Variants in TNS3 observed in about 807,000 individuals in gnomAD.
The protein encoded by TNS3 is tensin-3.
Under a neutral mutation model 140.9 loss-of-function variants are expected in TNS3, and 45 were observed. The ratio of observed to expected loss-of-function variants is 0.32; its 90% CI spans 0.25 to 0.41. The LOEUF is 0.41. Among genes scored for constraint, TNS3 ranks in the 10% least tolerant of loss-of-function variants. TNS3 has a pLI of 1.00. For synonymous variants in TNS3, 815 were observed against 788.4 expected (o/e 1.03, Z -0.56); for missense variants, 1,716 against 1,906.7 (o/e 0.90, Z 1.86).
chr7:47,472,900 T>A (rs755844216), intron 4 of TNS3, among the ~76,000 whole-genome samples: 3 of 151,698 alleles, frequency 2.0e-5, no homozygotes, highest in Non-Finnish European at 4.4e-5. Context: ...GGGGTGAGGG[T>A]CATCCCCAAC....
At chr7:47,280,445 G>A in intron 28 of TNS3, 91 bp from the exon 29 acceptor site, 1 of 1,131,316 alleles carries the variant, frequency 8.8e-7, no homozygotes, top group South Asian at 1.3e-5. Context: ...CATACATGAA[G>A]ATTCTTCCAG....
intron 8 of TNS3, among the ~76,000 whole-genome samples, chr7:47,434,940 C>T (rs1218707053): frequency 2.6e-5 from 4 of 152,190 alleles, no homozygotes; most frequent in African/African-American, 7.2e-5. Flanking sequence ...AAAGGGCATA[C>T]ATAGCTCTTT....
intron 18 of TNS3, 50 bp from the exon 19 acceptor site, chr7:47,345,088 G>T (rs770085516): frequency 1.4e-6 from 2 of 1,468,698 alleles, no homozygotes; most frequent in South Asian, 1.1e-5. Flanking sequence ...TCAAGTGAAG[G>T]CCCCTCCAAA....
intron 4 of TNS3, among the ~76,000 whole-genome samples, chr7:47,451,041 G>A (rs1304085865): frequency 1.3e-5 from 2 of 152,246 alleles, no homozygotes; most frequent in African/African-American, 4.8e-5. Flanking sequence ...GACTGAGGCA[G>A]GAGGATTGTT....
intron 1 of TNS3, among the ~76,000 whole-genome samples, chr7:47,572,127 G>A (rs1008403004): frequency 6.6e-6 from 1 of 152,242 alleles, no homozygotes; most frequent in Non-Finnish European, 1.5e-5. Flanking sequence ...CTGAGCTGAT[G>A]TGGAATGGGC....
At chr7:47,306,767 C>T (rs981964387) in intron 20 of TNS3, among the ~76,000 whole-genome samples, 4 of 152,082 alleles carry the variant, frequency 2.6e-5, no homozygotes, top group African/African-American at 4.8e-5. Context: ...TTAGTAGAGA[C>T]GGGGTTTCAT....
chr7:47,368,318 C>T, intron 17 of TNS3, 47 bp downstream of exon 17: 1 of 1,432,228 alleles, frequency 7.0e-7, no homozygotes, highest in Non-Finnish European at 9.1e-7. Context: ...CATTAGCCTC[C>T]CGTGGAGCAC....
chr7:47,285,628 A>G (rs9639013), intron 27 of TNS3, among the ~76,000 whole-genome samples: 10,301 of 152,286 alleles, frequency 0.068, 485 homozygotes, highest in South Asian at 0.1. Flanking sequence ...CTGTATTAGC[A>G]TCATGAGAGC....
intron 2 of TNS3, among the ~76,000 whole-genome samples, chr7:47,516,097 G>C (rs1798769176): frequency 6.6e-6 from 1 of 152,222 alleles, no homozygotes; most frequent in Admixed American, 6.5e-5. Flanking sequence ...TTTCCAGGTA[G>C]CATGTACACA....
intron 29 of TNS3, 36 bp downstream of exon 29, chr7:47,280,250 T>A (rs781661090): frequency 6.2e-7 from 1 of 1,614,014 alleles, no homozygotes; most frequent in South Asian, 1.1e-5. Flanking sequence ...TAGAATTAAG[T>A]ACACTCCTTG....
intron 3 of TNS3, among the ~76,000 whole-genome samples, chr7:47,483,046 A>G (rs1390237091): frequency 6.6e-6 from 1 of 152,188 alleles, no homozygotes; most frequent in Non-Finnish European, 1.5e-5. Context: ...ACACCAGGAG[A>G]GAATCCTAAT....
At chr7:47,434,909 A>G (rs1795102041) in intron 8 of TNS3, among the ~76,000 whole-genome samples, 1 of 152,262 alleles carries the variant, frequency 6.6e-6, no homozygotes, top group African/African-American at 2.4e-5. Flanking sequence ...TGGCATGGAA[A>G]GTCTGACACA....
At chr7:47,582,390 G>A, upstream of TNS3, 1 of 456,178 alleles carries the variant, frequency 2.2e-6, no homozygotes. Context: ...AAGTGGTCTG[G>A]AGGCTTGCAG....
chr7:47,377,439 A>C (rs1267651931), intron 16 of TNS3, among the ~76,000 whole-genome samples: 1 of 152,204 alleles, frequency 6.6e-6, no homozygotes, highest in Non-Finnish European at 1.5e-5. Flanking sequence ...GGTCGGGGCC[A>C]GGAGAAGAGT....
intron 10 of TNS3, among the ~76,000 whole-genome samples, chr7:47,420,436 G>GA (rs1794314468): frequency 1.3e-5 from 2 of 152,160 alleles, no homozygotes; most frequent in South Asian, 2.1e-4. Flanking sequence ...TGCATTAACA[G>GA]AAAAAATGGC....
rs141011382 is a variant in TNS3 at position 47,295,761 on chromosome 7, C to T, written c.3676+1321G>A. ...CCAAAATGAACCCATCTATGTTTCC[C>T]GGAAACGCTACAGCCCTGCCTGAGG... On this transcript the variant is annotated intron_variant, in intron 24 of 30. Transcript: ENST00000311160. 3.0e-4 allele frequency among the ~76,000 whole-genome samples: 46 copies of T among 152,248 alleles called. 2 individuals carry two copies. The East Asian group carries it at 4.6e-3, about 15-fold the overall frequency.
At chr7:47,301,160 C>T (rs1386753444) in intron 23 of TNS3, among the ~76,000 whole-genome samples, 1 of 152,164 alleles carries the variant, frequency 6.6e-6, no homozygotes, top group Non-Finnish European at 1.5e-5. Context: ...CCAAGTGGGT[C>T]TCCTGCTGAC....
intron 16 of TNS3, among the ~76,000 whole-genome samples, chr7:47,377,690 T>C (rs559515577): frequency 1.2e-5 from 1 of 85,196 alleles, no homozygotes; most frequent in Non-Finnish European, 3.1e-5. Context: ...CCTCCCTTCC[T>C]TCCCTCTTCC....
At chr7:47,547,190 T>G (rs1050929299) in intron 1 of TNS3, among the ~76,000 whole-genome samples, 4 of 152,058 alleles carry the variant, frequency 2.6e-5, no homozygotes. Flanking sequence ...CGGGCTCCAG[T>G]GTAGACTGGG....
Sources: gnomAD v4.1 joint callset for allele counts (sites outside exome capture counted in the v4.1 genomes callset) on GRCh38, gnomAD v4.1.1 for gene constraint, MANE v1.5 for transcripts, NCBI Gene and HGNC (gene_info 2026-07-23, HGNC 2026-07-21) for gene names.